The following BAIAP2L2 variants were observed in gnomAD, a reference collection of about 807,000 sequenced individuals.
The protein encoded by BAIAP2L2 is BAR/IMD domain-containing adapter protein 2-like 2.
Under a neutral mutation model 60.4 loss-of-function variants are expected in BAIAP2L2, and 65 were observed. That is an observed-to-expected ratio of 1.08 (90% CI 0.88 to 1.32). The LOEUF (loss-of-function observed/expected upper bound fraction) is 1.32. Ranked by LOEUF, BAIAP2L2 falls within the 40% of genes most tolerant of loss-of-function variation. The probability of loss-of-function intolerance (pLI) is 0.00; values close to 1 mark genes in which losing one functional copy is unlikely to be tolerated. For missense variants in BAIAP2L2, 836 were observed against 741.2 expected (o/e 1.13, Z -1.48); for synonymous variants, 344 against 301.7 (o/e 1.14, Z -1.45).
Position 38,095,010 on chromosome 22 carries a change from G to T in BAIAP2L2, c.612+2022C>A, listed in dbSNP as rs534477098. On this transcript the variant is annotated intron_variant, in intron 7 of 13. Coordinates refer to ENST00000381669, the MANE Select transcript of BAIAP2L2 (RefSeq NM_025045.6). ...CTACTAAAAATACAAAAATTAGCTG[G>T]GCATGGTGGCGCACACCTGTAATCC... Among the ~76,000 whole-genome samples the T allele has an allele frequency of 3.3e-5, 5 of 152,252 alleles. No homozygotes were observed. In the East Asian group the frequency reaches 9.7e-4, roughly 29 times the overall value.
rs1602035367 is a variant in BAIAP2L2 at position 38,108,335 on chromosome 22, G to A, written c.134C>T (p.Ser45Phe). The A allele has an allele frequency of 1.9e-6, 3 of 1,612,176 alleles. No homozygotes were observed. The highest frequency in any genetic ancestry group is 2.5e-6 in the Non-Finnish European group (3 of 1,179,682). Residue 45 changes from serine to phenylalanine, a missense_variant, in exon 3 of 14, where the codon TCC (serine) becomes TTC (phenylalanine). Coordinates refer to ENST00000381669, the MANE Select transcript of BAIAP2L2 (RefSeq NM_025045.6). ...ACTGAAGTAGACCTCGGCCGCCTCGGACAGAGCTGTGGACCAGAAGGGACA... is the reference window on the plus strand; with the variant it reads ...ACTGAAGTAGACCTCGGCCGCCTCGAACAGAGCTGTGGACCAGAAGGGACA... ...NNYLRAFHAL[S>F]EAAEVYFSAI...
chr22:38,110,370 C>T, intron 1 of BAIAP2L2, 105 bp downstream of exon 1: 2 of 1,214,842 alleles, frequency 1.6e-6, no homozygotes, highest in Non-Finnish European at 2.4e-6. Flanking sequence ...CTTCCCTTTC[C>T]AGGACATCTG....
chr22:38,109,823 C>T (rs932888801), intron 1 of BAIAP2L2, among the ~76,000 whole-genome samples: 7 of 152,056 alleles, frequency 4.6e-5, no homozygotes, highest in South Asian at 2.1e-4. Context: ...TTCCTCCCTC[C>T]GTGACCTTGA....
Position 38,088,868 on chromosome 22 carries a change from A to C in BAIAP2L2, c.998T>G (p.Val333Gly). Reference sequence around the variant, plus strand: ...GTGGTTGGCGCCCTCCGAGTGGGAGACCAGGGCGCGGACTCTCCTGGCGCC... The same window carrying C: ...GTGGTTGGCGCCCTCCGAGTGGGAGCCCAGGGCGCGGACTCTCCTGGCGCC... The part of the protein sequence containing the change: ...GGGARRVRAL[V>G]SHSEGANHTL... The change falls in exon 10 of 14, where the codon GTC (valine) becomes GGC (glycine). Residue 333 changes from valine to glycine, a missense_variant. By Grantham distance (109) the Val-to-Gly change is moderately radical. Transcript: ENST00000381669. The C allele has an allele frequency of 6.3e-7, 1 of 1,593,638 alleles. No individual in the cohort carries two copies. Among genetic ancestry groups the C allele is most frequent in the South Asian group, 1.1e-5 (1 of 89,990 alleles).
At chr22:38,097,999 G>T in intron 6 of BAIAP2L2, 64 bp downstream of exon 6, 1 of 555,358 alleles carries the variant, frequency 1.8e-6, no homozygotes, top group Non-Finnish European at 2.5e-6. Context: ...CCCAGGGCCC[G>T]GTCTCGCCCC....
intron 8 of BAIAP2L2, 97 bp downstream of exon 8, chr22:38,089,425 T>TG: frequency 1.6e-6 from 1 of 623,600 alleles, no homozygotes; most frequent in Non-Finnish European, 2.2e-6. Context: ...AGCGGGAGCC[T>TG]GGGGGGCAGG....
intron 4 of BAIAP2L2, among the ~76,000 whole-genome samples, chr22:38,100,836 T>G (rs1426570482): frequency 1.3e-5 from 2 of 152,178 alleles, no homozygotes; most frequent in Non-Finnish European, 2.9e-5. Flanking sequence ...CTTACAGACC[T>G]TATGCTGAGT....
At chr22:38,087,084 G>C (rs563773813) in intron 11 of BAIAP2L2, 40 bp downstream of exon 11, 2 of 1,484,810 alleles carry the variant, frequency 1.3e-6, no homozygotes, top group African/African-American at 2.9e-5. Context: ...CACCCTTGCC[G>C]GCGTCCTCAC....
chr22:38,085,631 G>T, intron 13 of BAIAP2L2, 55 bp downstream of exon 13: 1 of 1,572,120 alleles, frequency 6.4e-7, no homozygotes. Flanking sequence ...CTACAAGTGT[G>T]TGCCGCCGCA....
chr22:38,090,121 T>TTTTATTTTTATTA (rs2086258279), intron 7 of BAIAP2L2: 4 of 139,112 alleles, frequency 2.9e-5, no homozygotes, highest in Non-Finnish European at 6.1e-5. Flanking sequence ...TTTTTTTTTT[T>TTTTATTTTTATTA]TTTTTTTTAG....
intron 7 of BAIAP2L2, 37 bp from the exon 8 acceptor site, chr22:38,089,711 G>A (rs2145954116): frequency 4.9e-6 from 6 of 1,226,912 alleles, no homozygotes; most frequent in East Asian, 3.2e-5. Context: ...GCCAGGTCCG[G>A]GCGGCTCCCT....
chr22:38,086,336 C>A lies in BAIAP2L2; in HGVS notation c.1373G>T (p.Arg458Leu). 1 of 1,555,900 alleles carries A rather than the reference C, an allele frequency of 6.4e-7. No homozygotes were observed. Residue 458 changes from arginine (R) to leucine (L), a missense_variant, in exon 12 of 14, where the codon CGG (arginine) becomes CTG (leucine). Coordinates refer to ENST00000381669, the MANE Select transcript of BAIAP2L2 (RefSeq NM_025045.6). ...DGQSRSRTPS[R>L]VPSRAPSPAP... is the part of the protein sequence containing the mutation. The stretch of plus-strand genomic sequence containing the variant: ...AGGGCTGGGGGCACGGCTTGGCACC[C>A]GGCTTGGGGTGCGGGAGCGGGACTG...
Position 38,089,161 on chromosome 22 carries a change from G to A in BAIAP2L2, c.836C>T (p.Pro279Leu). ...TAGCTGGGACGCGGGCCTCGCGTCG[G>A]GCTCGGTGCCGTAGGAGCCGGAGCC... ...RHGSGSYGTE[P>L]DARPASQLEP... Residue 279 changes from proline (P) to leucine (L), a missense_variant, in exon 9 of 14, where the codon CCC (proline) becomes CTC (leucine). By Grantham distance (98) the Pro-to-Leu change is moderately conservative. Coordinates refer to ENST00000381669, the MANE Select transcript of BAIAP2L2 (RefSeq NM_025045.6). 1 of 1,338,960 alleles carries A rather than the reference G, an allele frequency of 7.5e-7. No homozygotes were observed. Among genetic ancestry groups the A allele is most frequent in the Admixed American group, 4.0e-5 (1 of 25,154 alleles). 82.9% of individuals were successfully genotyped at this position (1,338,960 alleles called of 1,614,324 possible).
intron 7 of BAIAP2L2, among the ~76,000 whole-genome samples, chr22:38,093,688 A>C (rs996594232): frequency 6.6e-6 from 1 of 152,232 alleles, no homozygotes; most frequent in Non-Finnish European, 1.5e-5. Flanking sequence ...TAGGATGGCT[A>C]TTATCAAAAA....
At chr22:38,086,082 G>T (rs2086056487) in intron 12 of BAIAP2L2, among the ~76,000 whole-genome samples, 160 bp downstream of exon 12, 1 of 152,152 alleles carries the variant, frequency 6.6e-6, no homozygotes, top group Non-Finnish European at 1.5e-5. Context: ...CTTCAGCCCA[G>T]ACTCAGCCCC....
At chr22:38,091,061 C>CTTGTTG (rs770204798) in intron 7 of BAIAP2L2, 2 of 152,238 alleles carry the variant, frequency 1.3e-5, no homozygotes, top group Non-Finnish European at 2.9e-5. Context: ...GCATATCTTT[C>CTTGTTG]TTGTTGTTGT....
chr22:38,092,932 G>T (rs1391684891), intron 7 of BAIAP2L2, among the ~76,000 whole-genome samples: 1 of 152,048 alleles, frequency 6.6e-6, no homozygotes, highest in African/African-American at 2.4e-5. Context: ...GGAGGCCGAG[G>T]TGGGTGGGTG....
intron 11 of BAIAP2L2, among the ~76,000 whole-genome samples, chr22:38,086,799 C>T (rs1389067398): frequency 6.6e-6 from 1 of 152,058 alleles, no homozygotes; most frequent in African/African-American, 2.4e-5. Flanking sequence ...AGTTCAAGAC[C>T]AGCCTGGCCA....
intron 4 of BAIAP2L2, among the ~76,000 whole-genome samples, chr22:38,101,191 C>T (rs1282278581): frequency 6.6e-6 from 1 of 151,828 alleles, no homozygotes; most frequent in Non-Finnish European, 1.5e-5. Flanking sequence ...CAAAACCTTC[C>T]TTCATCTTCT....
Sources: allele counts gnomAD v4.1 joint callset (sites outside exome capture counted in the v4.1 genomes callset), GRCh38; gene constraint gnomAD v4.1.1; transcripts MANE v1.5; gene names NCBI Gene and HGNC (gene_info 2026-07-23, HGNC 2026-07-21).